DGKB: variants seen among roughly 807,000 people sequenced by gnomAD.
DGKB encodes 90 kDa diacylglycerol kinase.
In DGKB, 67 loss-of-function variants were observed where a neutral mutation model predicts 114.3. The observed-to-expected ratio is 0.59, with a 90% confidence interval of 0.48 to 0.72. DGKB has a LOEUF of 0.72. Ranked by LOEUF, DGKB falls within the 30% of genes least tolerant of loss-of-function variation. The probability of loss-of-function intolerance (pLI) is 0.00; values close to 1 mark genes in which losing one functional copy is unlikely to be tolerated. For missense variants in DGKB, 907 were observed against 975.2 expected, an observed-to-expected ratio of 0.93 and a Z score of 0.93; for synonymous variants, 398 against 323.1, an observed-to-expected ratio of 1.23 and a Z score of -2.49.
At chr7:14,676,171 C>A (rs1238106595) in intron 12 of DGKB, among the ~76,000 whole-genome samples, 1 of 148,934 alleles carries the variant, frequency 6.7e-6, no homozygotes, top group Non-Finnish European at 1.5e-5. Flanking sequence ...AATTCAAAAG[C>A]TACAAATTTT....
intron 5 of DGKB, among the ~76,000 whole-genome samples, chr7:14,719,587 CTACTG>C (rs531492327): frequency 1.1e-4 from 17 of 151,890 alleles, no homozygotes; most frequent in Non-Finnish European, 2.2e-4. Flanking sequence ...CAACCAGGAG[CTACTG>C]TAAGGAATAA....
intron 13 of DGKB, among the ~76,000 whole-genome samples, chr7:14,658,748 A>G (rs1327793568): frequency 1.3e-5 from 2 of 151,806 alleles, no homozygotes; most frequent in Non-Finnish European, 2.9e-5. Context: ...ATTTTAATAA[A>G]TATGATTTAA....
chr7:14,172,114 G>C (rs1484973001), intron 25 of DGKB, among the ~76,000 whole-genome samples: 3 of 152,174 alleles, frequency 2.0e-5, no homozygotes, highest in Admixed American at 2.0e-4. Context: ...CTCAAAAGAT[G>C]TGTTGTGTTA....
chr7:14,645,185 T>C (rs982248168), intron 13 of DGKB, among the ~76,000 whole-genome samples: 33 of 152,286 alleles, frequency 2.2e-4, no homozygotes, highest in African/African-American at 7.0e-4. Context: ...GACTCACAAA[T>C]GGCTACCTGT....
intron 1 of DGKB, among the ~76,000 whole-genome samples, chr7:14,933,895 A>C (rs1394625278): frequency 6.6e-6 from 1 of 152,188 alleles, no homozygotes; most frequent in Non-Finnish European, 1.5e-5. Context: ...TTTTTAAATC[A>C]ATTATAGCAC....
intron 1 of DGKB, among the ~76,000 whole-genome samples, chr7:14,944,618 T>C (rs1785761157): frequency 6.6e-6 from 1 of 151,794 alleles, no homozygotes; most frequent in Admixed American, 6.6e-5. Flanking sequence ...TAATGGATGG[T>C]GATTTCTCCC....
At chr7:14,891,955 T>A (rs1021843968) in intron 1 of DGKB, among the ~76,000 whole-genome samples, 1 of 151,178 alleles carries the variant, frequency 6.6e-6, no homozygotes, top group Admixed American at 6.6e-5. Flanking sequence ...AATACCCCAA[T>A]TGAAAATGCA....
intron 25 of DGKB, among the ~76,000 whole-genome samples, chr7:14,150,211 G>C (rs1485933214): frequency 6.6e-6 from 1 of 152,070 alleles, no homozygotes; most frequent in Non-Finnish European, 1.5e-5. Context: ...ACTAATACAA[G>C]AACCATCGCT....
chr7:14,365,358 A>G (rs1411786752), intron 21 of DGKB, among the ~76,000 whole-genome samples: 1 of 152,036 alleles, frequency 6.6e-6, no homozygotes, highest in African/African-American at 2.4e-5. Flanking sequence ...TCTCTCAGTA[A>G]TTATAATCCT....
At chr7:14,202,989 A>C (rs1047759715) in intron 23 of DGKB, among the ~76,000 whole-genome samples, 1 of 151,880 alleles carries the variant, frequency 6.6e-6, no homozygotes, top group Non-Finnish European at 1.5e-5. Context: ...AGCTATTTTC[A>C]TACATTCACT....
chr7:14,832,062 G>A (rs1392530010), intron 2 of DGKB, among the ~76,000 whole-genome samples: 8 of 151,940 alleles, frequency 5.3e-5, no homozygotes, highest in Non-Finnish European at 1.0e-4. Flanking sequence ...CTTACATATG[G>A]TGGTTTGCAG....
intron 20 of DGKB, among the ~76,000 whole-genome samples, chr7:14,559,570 G>A (rs1159993969): frequency 6.6e-6 from 1 of 152,118 alleles, no homozygotes; most frequent in African/African-American, 2.4e-5. Flanking sequence ...AGAGGTAATG[G>A]GGTTTATACT....
chr7:14,477,054 A>T (rs536629593), intron 21 of DGKB, among the ~76,000 whole-genome samples: 1 of 152,098 alleles, frequency 6.6e-6, no homozygotes, highest in Non-Finnish European at 1.5e-5. Flanking sequence ...CCGGCCTACT[A>T]AAAAGATCTC....
At chr7:14,537,841 G>A (rs1320414141) in intron 20 of DGKB, among the ~76,000 whole-genome samples, 1 of 152,184 alleles carries the variant, frequency 6.6e-6, no homozygotes, top group East Asian at 1.9e-4. Context: ...AGCACTTTGG[G>A]AGGCCAAGGC....
At chr7:14,839,783 T>C (rs1847668219) in intron 2 of DGKB, among the ~76,000 whole-genome samples, 1 of 151,358 alleles carries the variant, frequency 6.6e-6, no homozygotes, top group African/African-American at 2.4e-5. Flanking sequence ...ATATATTTTG[T>C]AATCATATTT....
intron 14 of DGKB, among the ~76,000 whole-genome samples, chr7:14,627,880 C>G (rs1585191905): frequency 6.6e-6 from 1 of 151,238 alleles, no homozygotes; most frequent in Non-Finnish European, 1.5e-5. Context: ...GAGGCAGAGG[C>G]TGCAGTGAGC....
At position 14,408,689 on chromosome 7, in the gene DGKB, A is replaced by T. The variant is rs73679733; in HGVS notation, c.1836-63298T>A. On this transcript the variant is annotated intron_variant, in intron 21 of 25. Coordinates refer to ENST00000402815, the MANE Select transcript of DGKB (RefSeq NM_001350709.2). ...TTTCATATTTTTGGTTCTTTACTTG[A>T]TAATGAATCCAAGCTTTAAAAACAA... 6.7e-3 allele frequency among the ~76,000 whole-genome samples: 1,014 copies of T among 152,232 alleles called. 5 individuals carry two copies. The highest frequency in any genetic ancestry group is 0.017 in the Middle Eastern group (5 of 294).
chr7:14,939,850 T>C (rs559664915), intron 1 of DGKB, among the ~76,000 whole-genome samples: 2 of 152,158 alleles, frequency 1.3e-5, no homozygotes, highest in African/African-American at 4.8e-5. Flanking sequence ...CCTGACCTCG[T>C]GATCCACCCG....
At chr7:14,238,905 T>A (rs1793231425) in intron 23 of DGKB, among the ~76,000 whole-genome samples, 1 of 152,110 alleles carries the variant, frequency 6.6e-6, no homozygotes, top group Non-Finnish European at 1.5e-5. Context: ...TTTTATTTGT[T>A]GTTTTTACTA....
Sources: allele counts gnomAD v4.1 joint callset (sites outside exome capture counted in the v4.1 genomes callset), GRCh38; gene constraint gnomAD v4.1.1; transcripts MANE v1.5; gene names NCBI Gene and HGNC (gene_info 2026-07-23, HGNC 2026-07-21).